The following NEK1 variants were observed in gnomAD, a reference collection of about 807,000 sequenced individuals.
NEK1 encodes the protein serine/threonine-protein kinase Nek1.
NEK1 carries 137 observed loss-of-function variants against 182.1 expected under a neutral mutation model. The observed-to-expected ratio is 0.75, with a 90% CI of 0.65 to 0.87. NEK1 has a LOEUF of 0.87. Ranked by LOEUF, NEK1 falls within the 40% of genes least tolerant of loss-of-function variation. The pLI is 0.00. For synonymous variants in NEK1, 513 were observed against 492.2 expected (o/e 1.04, Z -0.56); for missense variants, 1,391 against 1,494.4 (o/e 0.93, Z 1.14).
chr4:169,444,323 C>T (rs1478110141), intron 27 of NEK1, among the ~76,000 whole-genome samples: 2 of 151,850 alleles, frequency 1.3e-5, no homozygotes, highest in East Asian at 3.9e-4. Flanking sequence ...TTAGAAGATA[C>T]AGGTTGGCTG....
At chr4:169,538,584 T>C (rs1348887009) in intron 18 of NEK1, among the ~76,000 whole-genome samples, 1 of 152,184 alleles carries the variant, frequency 6.6e-6, no homozygotes, top group Non-Finnish European at 1.5e-5. Flanking sequence ...ATCTACTATA[T>C]ATTGTGTTAG....
intron 31 of NEK1, among the ~76,000 whole-genome samples, chr4:169,419,763 C>T (rs1325251188): frequency 6.6e-6 from 1 of 152,114 alleles, no homozygotes; most frequent in Non-Finnish European, 1.5e-5. Flanking sequence ...GTGGTACAGC[C>T]TATTGTTCCT....
intron 27 of NEK1, among the ~76,000 whole-genome samples, chr4:169,461,585 T>C (rs1743979430): frequency 6.6e-6 from 1 of 152,158 alleles, no homozygotes; most frequent in African/African-American, 2.4e-5. Flanking sequence ...CACATGTGAT[T>C]TCGATGATGG....
intron 32 of NEK1, among the ~76,000 whole-genome samples, chr4:169,403,616 C>T (rs1307782248): frequency 1.3e-5 from 2 of 151,990 alleles, no homozygotes; most frequent in Admixed American, 6.6e-5. Flanking sequence ...AGTATGCACA[C>T]CTGCTATGTA....
chr4:169,607,609 C>T (rs991633097), intron 2 of NEK1, among the ~76,000 whole-genome samples: 35 of 151,888 alleles, frequency 2.3e-4, no homozygotes, highest in Admixed American at 1.1e-3. Context: ...ACTACAGGCG[C>T]CTGCCACCAC....
intron 26 of NEK1, among the ~76,000 whole-genome samples, chr4:169,465,456 C>A (rs1289654754): frequency 1.3e-5 from 2 of 151,944 alleles, no homozygotes; most frequent in African/African-American, 2.4e-5. Context: ...GATAGGAGTA[C>A]TGAAGTAATA....
At chr4:169,509,531 C>A (rs1303423601) in intron 19 of NEK1, among the ~76,000 whole-genome samples, 1 of 152,038 alleles carries the variant, frequency 6.6e-6, no homozygotes, top group South Asian at 2.1e-4. Context: ...TTCATCATCT[C>A]AATTTTCCTG....
At chr4:169,461,006 A>C (rs1425541443) in intron 27 of NEK1, among the ~76,000 whole-genome samples, 3 of 152,234 alleles carry the variant, frequency 2.0e-5, no homozygotes, top group African/African-American at 7.2e-5. Flanking sequence ...TGGAAGACTA[A>C]AATAAAGAAC....
chr4:169,599,111 G>T lies in NEK1; in HGVS notation c.301C>A (p.Gln101Lys). ...AAATGCAAACTTACCTGATCCTCTT[G>T]AAACAAAACGCCTTTCTGAGCATTT... Reference protein sequence around the residue: ...RINAQKGVLFQEDQILDWFVQ... With the variant: ...RINAQKGVLFKEDQILDWFVQ... The change falls in exon 5 of 36, where the codon CAA becomes AAA. Residue 101 changes from glutamine (Q) to lysine (K), a missense_variant. Around this residue, in one of 5 missense-constraint regions of NEK1, gnomAD observed 116 missense variants for 114.5 expected, o/e 1.01. Transcript: ENST00000507142. The T allele has an allele frequency of 6.2e-7, 1 of 1,612,822 alleles. No individual in the cohort carries two copies. Among genetic ancestry groups the T allele is most frequent in the Non-Finnish European group, 8.5e-7 (1 of 1,179,312 alleles).
intron 18 of NEK1, among the ~76,000 whole-genome samples, chr4:169,546,513 C>T (rs1419147286): frequency 6.6e-6 from 1 of 152,132 alleles, no homozygotes; most frequent in Non-Finnish European, 1.5e-5. Flanking sequence ...CAGTCCAGAG[C>T]TGAGTTCAAG....
chr4:169,589,350 G>A, intron 7 of NEK1, 97 bp downstream of exon 7: 1 of 743,090 alleles, frequency 1.3e-6, no homozygotes, highest in Admixed American at 3.0e-5. Flanking sequence ...AGTAAAGAAT[G>A]TACTTAAAGA....
chr4:169,580,113 A>G (rs920845666), intron 11 of NEK1, among the ~76,000 whole-genome samples: 14 of 152,218 alleles, frequency 9.2e-5, no homozygotes, highest in African/African-American at 2.4e-5. Flanking sequence ...CACTGGTCAC[A>G]TTGTTTAAAA....
In NEK1 at chr4:169,555,673, G is replaced by A. The variant is rs755233489; in HGVS notation, c.1562+47C>T. ...AGGTACTAAGCTATGTATGACAAAC[G>A]ACAAAATTACACACATGGATGAATT... On this transcript the variant is annotated intron_variant, in intron 18 of 35. Transcript: ENST00000507142. The A allele has an allele frequency of 9.3e-6, 15 of 1,611,854 alleles. No individual in the cohort carries two copies. In the South Asian group the frequency reaches 1.1e-4, roughly 12 times the overall value.
intron 27 of NEK1, among the ~76,000 whole-genome samples, chr4:169,449,603 G>A (rs951079286): frequency 1.3e-5 from 2 of 152,170 alleles, no homozygotes; most frequent in Non-Finnish European, 2.9e-5. Context: ...ACTATTAAAG[G>A]AAAACTAACA....
intron 22 of NEK1, 52 bp from the exon 23 acceptor site, chr4:169,507,184 T>A (rs1265600574): frequency 3.4e-6 from 2 of 581,224 alleles, no homozygotes; most frequent in Admixed American, 4.9e-5. Context: ...AGGGCAGAGG[T>A]TTTTTTTTTT....
At chr4:169,508,418 AC>A in intron 20 of NEK1, 87 bp from the exon 21 acceptor site, 1 of 1,099,878 alleles carries the variant, frequency 9.1e-7, no homozygotes, top group Non-Finnish European at 1.3e-6. Context: ...AATTTAAGGA[AC>A]AGTGTTAATT....
chr4:169,573,730 T>A (rs886287994), intron 12 of NEK1, among the ~76,000 whole-genome samples: 1 of 152,034 alleles, frequency 6.6e-6, no homozygotes, highest in East Asian at 1.9e-4. Flanking sequence ...ACACAGGAAG[T>A]GGTGATCAGG....
intron 31 of NEK1, among the ~76,000 whole-genome samples, chr4:169,413,646 G>A (rs888209594): frequency 2.0e-5 from 3 of 152,088 alleles, no homozygotes; most frequent in Non-Finnish European, 2.9e-5. Flanking sequence ...TCACTAATAC[G>A]TCCTTCAAAA....
At chr4:169,477,531 AT>A in intron 24 of NEK1, 34 bp from the exon 25 acceptor site, 1 of 1,486,222 alleles carries the variant, frequency 6.7e-7, no homozygotes, top group Non-Finnish European at 9.2e-7. Context: ...GGAAGAGATA[AT>A]TTTATTTTTT....
Sources: allele counts gnomAD v4.1 joint callset (sites outside exome capture counted in the v4.1 genomes callset), GRCh38; gene constraint gnomAD v4.1.1; regional missense constraint gnomAD v4.1.1; transcripts MANE v1.5; gene names NCBI Gene and HGNC (gene_info 2026-07-23, HGNC 2026-07-21).